The following NPAS3 variants were observed in gnomAD, a reference collection of about 807,000 sequenced individuals.
NPAS3 encodes the protein neuronal PAS domain protein 3, also known as neuronal PAS domain-containing protein 3.
NPAS3 carries 14 observed loss-of-function variants against 73.1 expected under a neutral mutation model. The ratio of observed to expected loss-of-function variants is 0.19; its 90% CI spans 0.13 to 0.30. The LOEUF is 0.30. Ranked by LOEUF, NPAS3 falls within the 10% of genes least tolerant of loss-of-function variation. The pLI is 1.00. For missense variants in NPAS3, 1,096 were observed against 1,250.0 expected (o/e 0.88, Z 1.86); for synonymous variants, 620 against 541.5 (o/e 1.14, Z -2.01).
At chr14:33,083,169 A>G (rs2041913545) in intron 2 of NPAS3, among the ~76,000 whole-genome samples, 1 of 109,766 alleles carries the variant, frequency 9.1e-6, no homozygotes. Flanking sequence ...GGTAATGGCG[A>G]GACTGTCTCA....
chr14:33,750,029 A>T (rs549995136), intron 7 of NPAS3, among the ~76,000 whole-genome samples: 4 of 152,226 alleles, frequency 2.6e-5, no homozygotes, highest in South Asian at 4.2e-4. Flanking sequence ...GTCCTAAAAA[A>T]TTTTTTAAGG....
upstream of NPAS3, among the ~76,000 whole-genome samples, chr14:32,938,520 AGAGAAG>A: frequency 8.1e-6 from 1 of 122,742 alleles, no homozygotes; most frequent in Non-Finnish European, 1.8e-5. Context: ...AGAGAGAGAG[AGAGAAG>A]GGGGGGGAGG....
At chr14:33,538,521 C>G (rs2054358197) in intron 4 of NPAS3, among the ~76,000 whole-genome samples, 1 of 152,188 alleles carries the variant, frequency 6.6e-6, no homozygotes, top group South Asian at 2.1e-4. Flanking sequence ...CAGTCTTGGA[C>G]AGCTGTCAAC....
intron 1 of NPAS3, among the ~76,000 whole-genome samples, chr14:33,011,187 A>C (rs117446794): frequency 2.0e-5 from 3 of 152,128 alleles, no homozygotes; most frequent in Non-Finnish European, 4.4e-5. Flanking sequence ...GTACTGCATC[A>C]TTTTTCACCA....
At chr14:33,022,583 T>G (rs1248079067) in intron 1 of NPAS3, among the ~76,000 whole-genome samples, 1 of 144,616 alleles carries the variant, frequency 6.9e-6, no homozygotes, top group Non-Finnish European at 1.5e-5. Flanking sequence ...GAGAATGGCG[T>G]GAACCCGGGA....
chr14:33,682,336 C>T (rs1362457309), intron 6 of NPAS3, among the ~76,000 whole-genome samples: 1 of 152,208 alleles, frequency 6.6e-6, no homozygotes, highest in East Asian at 1.9e-4. Flanking sequence ...GCAAATCTAG[C>T]AGTCAGAAAG....
intron 4 of NPAS3, among the ~76,000 whole-genome samples, chr14:33,405,181 T>C (rs2047612574): frequency 6.6e-6 from 1 of 152,056 alleles, no homozygotes; most frequent in Non-Finnish European, 1.5e-5. Context: ...CTGTCTTAGT[T>C]ATCTGGATGG....
At chr14:33,783,901 C>T (rs7140760) in intron 9 of NPAS3, among the ~76,000 whole-genome samples, 44,921 of 152,058 alleles carry the variant, frequency 0.3, 7,203 homozygotes, top group African/African-American at 0.41. Flanking sequence ...CTATTTTACA[C>T]GACGTAAACA....
intron 1 of NPAS3, among the ~76,000 whole-genome samples, chr14:32,962,049 TA>T (rs2036945118): frequency 6.6e-6 from 1 of 152,036 alleles, no homozygotes; most frequent in African/African-American, 2.4e-5. Context: ...AAACAGGTGA[TA>T]AGAAAAAAAA....
At chr14:33,449,082 T>C (rs1198969052) in intron 4 of NPAS3, among the ~76,000 whole-genome samples, 2 of 152,152 alleles carry the variant, frequency 1.3e-5, no homozygotes, top group African/African-American at 4.8e-5. Flanking sequence ...CCCAACCGCA[T>C]AGGCCTCAAG....
intron 4 of NPAS3, among the ~76,000 whole-genome samples, chr14:33,467,726 G>A (rs2050594579): frequency 6.6e-6 from 1 of 152,124 alleles, no homozygotes; most frequent in Non-Finnish European, 1.5e-5. Flanking sequence ...GCAATGTGGA[G>A]CATGTGCGGC....
chr14:33,453,202 A>C (rs2049880761), intron 4 of NPAS3, among the ~76,000 whole-genome samples: 1 of 152,184 alleles, frequency 6.6e-6, no homozygotes, highest in South Asian at 2.1e-4. Context: ...TGTTCATCTC[A>C]GCCAGGGGTC....
chr14:33,342,888 T>C (rs1566814480), intron 3 of NPAS3, among the ~76,000 whole-genome samples: 1 of 152,188 alleles, frequency 6.6e-6, no homozygotes, highest in Non-Finnish European at 1.5e-5. Flanking sequence ...ATTTGTTTAT[T>C]CACTACCCTC....
intron 4 of NPAS3, among the ~76,000 whole-genome samples, chr14:33,446,212 A>G (rs540329310): frequency 8.0e-6 from 1 of 124,758 alleles, no homozygotes; most frequent in African/African-American, 3.1e-5. Flanking sequence ...TCTGTCGCCC[A>G]GGCCGGACTG....
chr14:33,799,833 A>G, exon 12 of NPAS3: 1 of 1,614,106 alleles, frequency 6.2e-7, no homozygotes. Context: ...GCGTGTGACA[A>G]CGACATGAAC....
At chr14:33,290,504 T>C (rs2042057370) in intron 3 of NPAS3, among the ~76,000 whole-genome samples, 1 of 152,188 alleles carries the variant, frequency 6.6e-6, no homozygotes, top group Non-Finnish European at 1.5e-5. Flanking sequence ...TGTGAATAAA[T>C]GGACATGTGC....
chr14:33,133,862 A>G (rs8022834), intron 2 of NPAS3, among the ~76,000 whole-genome samples: 4,865 of 152,296 alleles, frequency 0.032, 250 homozygotes, highest in African/African-American at 0.11. Context: ...ATTCTAGTCC[A>G]TCAAAGAAAA....
intron 4 of NPAS3, among the ~76,000 whole-genome samples, chr14:33,436,285 T>C (rs2048987413): frequency 6.6e-6 from 1 of 152,184 alleles, no homozygotes; most frequent in South Asian, 2.1e-4. Context: ...AAATTAAACA[T>C]AGACATGTGC....
intron 4 of NPAS3, among the ~76,000 whole-genome samples, chr14:33,475,457 C>G (rs2050979050): frequency 6.6e-6 from 1 of 150,998 alleles, no homozygotes; most frequent in Non-Finnish European, 1.5e-5. Flanking sequence ...GTTGAGTGCT[C>G]ACTGTGTGCA....
Sources: gnomAD v4.1 joint callset for allele counts (sites outside exome capture counted in the v4.1 genomes callset) on GRCh38, gnomAD v4.1.1 for gene constraint, MANE v1.5 for transcripts, NCBI Gene and HGNC (gene_info 2026-07-23, HGNC 2026-07-21) for gene names.